The following ANO2 variants were observed in gnomAD, a reference collection of about 807,000 sequenced individuals.
ANO2 encodes anoctamin-2.
ANO2 carries 101 observed loss-of-function variants against 124.2 expected under a neutral mutation model. The ratio of observed to expected loss-of-function variants is 0.81; its 90% CI spans 0.69 to 0.96. The LOEUF (loss-of-function observed/expected upper bound fraction) is 0.96, where lower values mean the gene tolerates loss of function less well. ANO2 is among the 40% of genes least tolerant of loss of function. The pLI is 0.00. For missense variants in ANO2, 1,293 were observed against 1,274.5 expected (o/e 1.01, Z -0.22); for synonymous variants, 486 against 482.5 (o/e 1.01, Z -0.09).
chr12:5,917,565 C>CTTTTTTTTTTT (rs1275136752), intron 3 of ANO2, among the ~76,000 whole-genome samples: 3 of 100,632 alleles, frequency 3.0e-5, no homozygotes, highest in African/African-American at 3.3e-5. Flanking sequence ...TCTCTTTTTT[C>CTTTTTTTTTTT]TTTTTTTTTT....
At chr12:5,927,981 G>A (rs1253297087) in intron 1 of ANO2, among the ~76,000 whole-genome samples, 1 of 152,194 alleles carries the variant, frequency 6.6e-6, no homozygotes, top group Non-Finnish European at 1.5e-5. Context: ...GTAGCTGACA[G>A]GGGAAACACC....
chr12:5,622,231 C>T (rs548335058), intron 16 of ANO2, among the ~76,000 whole-genome samples: 4 of 152,166 alleles, frequency 2.6e-5, no homozygotes, highest in South Asian at 2.1e-4. Context: ...TACAGCAATT[C>T]CCTCCAAGTT....
intron 10 of ANO2, among the ~76,000 whole-genome samples, chr12:5,797,865 C>T (rs1264804058): frequency 2.0e-5 from 3 of 152,158 alleles, no homozygotes; most frequent in African/African-American, 7.2e-5. Context: ...TTTGAGCTCT[C>T]CATCCTCAGG....
chr12:5,883,502 GGTGTGT>G lies in ANO2; in HGVS notation c.535-29367_535-29362del, dbSNP rs5796191. Among the ~76,000 whole-genome samples, 420 of 144,614 alleles carry G rather than the reference GGTGTGT, an allele frequency of 2.9e-3. 1 individual carries two copies. Among genetic ancestry groups the G allele is most frequent in the Middle Eastern group, 0.01 (3 of 288 alleles). 94.9% of individuals were successfully genotyped at this position (144,614 alleles called of 152,430 possible). A position where few individuals can be genotyped will look rare whatever the true frequency, so the allele number is the denominator to read the frequency against. ...ATGTGTGCGTGTTTGACATTAGGGT[GGTGTGT>G]GTGTGTGTGTGTGTGTGTGTGTGTG... is the stretch of plus-strand genomic sequence containing the variant. On this transcript the variant is annotated intron_variant, in intron 3 of 24. Transcript: ENST00000682330.
At chr12:5,569,546 C>T (rs1941976845) in intron 23 of ANO2, among the ~76,000 whole-genome samples, 1 of 152,174 alleles carries the variant, frequency 6.6e-6, no homozygotes, top group African/African-American at 2.4e-5. Context: ...GTCTAAAAAG[C>T]TAGTCTGCAC....
chr12:5,616,955 CCATA>C (rs1400074511), intron 16 of ANO2, among the ~76,000 whole-genome samples: 1 of 81,194 alleles, frequency 1.2e-5, no homozygotes, highest in Non-Finnish European at 2.6e-5. Flanking sequence ...CCAGATCACA[CCATA>C]ACACACTCTC....
intron 3 of ANO2, among the ~76,000 whole-genome samples, chr12:5,877,849 C>G (rs559489503): frequency 6.6e-6 from 1 of 152,348 alleles, no homozygotes; most frequent in East Asian, 1.9e-4. Flanking sequence ...GGTTCACCCT[C>G]CTATGAGAAT....
chr12:5,578,847 TA>T (rs1942576891), intron 20 of ANO2, among the ~76,000 whole-genome samples: 1 of 152,206 alleles, frequency 6.6e-6, no homozygotes, highest in African/African-American at 2.4e-5. Context: ...TAAACTTTTT[TA>T]GTAAAAGGCC....
intron 9 of ANO2, among the ~76,000 whole-genome samples, chr12:5,803,640 G>C (rs750414409): frequency 1.3e-5 from 2 of 152,122 alleles, no homozygotes; most frequent in African/African-American, 2.4e-5. Context: ...GGGGAACTAG[G>C]CAGCTGCTGG....
chr12:5,641,455 T>C (rs370511961), intron 15 of ANO2, among the ~76,000 whole-genome samples: 9 of 152,184 alleles, frequency 5.9e-5, no homozygotes, highest in African/African-American at 2.2e-4. Context: ...TAGTGCCAAA[T>C]AAGGATTTTA....
chr12:5,578,091 CA>C, intron 21 of ANO2, 84 bp from the exon 22 acceptor site: 1 of 1,504,706 alleles, frequency 6.6e-7, no homozygotes, highest in South Asian at 1.2e-5. Context: ...TGATGTTTTG[CA>C]GGTGAACTAC....
At chr12:5,885,517 A>AATC (rs1449232322) in intron 3 of ANO2, among the ~76,000 whole-genome samples, 2 of 152,222 alleles carry the variant, frequency 1.3e-5, no homozygotes, top group African/African-American at 4.8e-5. Context: ...CTATATCACA[A>AATC]ATCATCTCAA....
intron 7 of ANO2, among the ~76,000 whole-genome samples, chr12:5,811,028 C>T (rs1953372247): frequency 6.6e-6 from 1 of 152,214 alleles, no homozygotes; most frequent in South Asian, 2.1e-4. Context: ...AACCAAAGCA[C>T]AGAAGTTTAT....
At chr12:5,724,718 C>A (rs764324221) in intron 14 of ANO2, among the ~76,000 whole-genome samples, 2 of 152,198 alleles carry the variant, frequency 1.3e-5, no homozygotes, top group Non-Finnish European at 2.9e-5. Context: ...CCACGGCCTC[C>A]TCTAGGCTCC....
At chr12:5,594,595 A>G (rs1017065539) in intron 20 of ANO2, among the ~76,000 whole-genome samples, 30 of 152,258 alleles carry the variant, frequency 2.0e-4, no homozygotes, top group Non-Finnish European at 1.3e-4. Flanking sequence ...CAGCAATTTC[A>G]GAGGCCAAGG....
At chr12:5,667,688 A>G (rs1221919208) in intron 14 of ANO2, among the ~76,000 whole-genome samples, 1 of 152,042 alleles carries the variant, frequency 6.6e-6, no homozygotes, top group African/African-American at 2.4e-5. Flanking sequence ...ATTTTGCCTA[A>G]TGCTCTCCCT....
intron 20 of ANO2, among the ~76,000 whole-genome samples, chr12:5,581,985 T>C (rs1448332853): frequency 6.6e-6 from 1 of 152,244 alleles, no homozygotes; most frequent in African/African-American, 2.4e-5. Context: ...CTCTCTAGCA[T>C]GCAAATTCCA....
intron 14 of ANO2, among the ~76,000 whole-genome samples, chr12:5,656,620 C>T (rs73046422): frequency 0.17 from 26,150 of 152,194 alleles, 2,598 homozygotes; most frequent in South Asian, 0.32. Flanking sequence ...CTTTCCTCTT[C>T]ATGAACTGTC....
chr12:5,715,639 G>T, intron 14 of ANO2, among the ~76,000 whole-genome samples: 1 of 152,236 alleles, frequency 6.6e-6, no homozygotes, highest in East Asian at 1.9e-4. Flanking sequence ...CTTGGACATG[G>T]ATTAAGTGAC....
Sources: gnomAD v4.1 joint callset for allele counts (sites outside exome capture counted in the v4.1 genomes callset) on GRCh38, gnomAD v4.1.1 for gene constraint, MANE v1.5 for transcripts, NCBI Gene and HGNC (gene_info 2026-07-23, HGNC 2026-07-21) for gene names.